ARHGAP8: variants seen among roughly 807,000 people sequenced by gnomAD.
ARHGAP8 encodes rho GTPase-activating protein 8.
In ARHGAP8, 62 loss-of-function variants were observed where a neutral mutation model predicts 46.1. The ratio of observed to expected loss-of-function variants is 1.34; its 90% CI spans 1.10 to 1.66. ARHGAP8 has a LOEUF of 1.66. Ranked by LOEUF, ARHGAP8 falls within the 40% of genes most tolerant of loss-of-function variation. The pLI, the probability that ARHGAP8 is intolerant of heterozygous loss-of-function variation, is 0.00. For missense variants in ARHGAP8, 923 were observed against 568.4 expected (o/e 1.62, Z -6.34); for synonymous variants, 375 against 243.1 (o/e 1.54, Z -5.05).
At chr22:44,856,821 C>G (rs576590816) in intron 10 of ARHGAP8, among the ~76,000 whole-genome samples, 4 of 144,976 alleles carry the variant, frequency 2.8e-5, no homozygotes, top group Admixed American at 2.0e-4. Context: ...ACCAAAGAAC[C>G]CATTCTTCCG....
chr22:44,848,512 C>G (rs572781128), intron 9 of ARHGAP8, among the ~76,000 whole-genome samples: 10 of 152,346 alleles, frequency 6.6e-5, no homozygotes, highest in African/African-American at 2.4e-4. Flanking sequence ...GACTTGCCCT[C>G]GCTCCCACTC....
rs189531344 is a variant in ARHGAP8, at chr22:44,825,605, G to C, written c.596+12G>C. The C allele has an allele frequency of 1.9e-6, 3 of 1,608,568 alleles. No individual in the cohort carries two copies. The African/African-American group carries it at 4.0e-5, about 22-fold the overall frequency. Reference sequence around the variant, plus strand: ...GTCAGTCTGCAATAGTAAGTGAGCCGGGGATGTGCCTGCTCCTATGCCCTG... The same window carrying C: ...GTCAGTCTGCAATAGTAAGTGAGCCCGGGATGTGCCTGCTCCTATGCCCTG... On this transcript the variant is annotated intron_variant, in intron 7 of 11. Transcript: ENST00000356099.
intron 2 of ARHGAP8, among the ~76,000 whole-genome samples, chr22:44,797,979 AT>A (rs36101080): frequency 0.028 from 3,556 of 128,468 alleles, 156 homozygotes; most frequent in Admixed American, 0.11. Context: ...GGCCAATAAG[AT>A]TTTTTTTTTT....
At position 44,861,853 on chromosome 22, in the gene ARHGAP8, C is replaced by G. The variant is rs1053785409; in HGVS notation, c.982-422C>G. On this transcript the variant is annotated intron_variant, in intron 11 of 11. Coordinates refer to ENST00000356099, the MANE Select transcript of ARHGAP8 (RefSeq NM_181335.3). ...TAGCAGGCAAGCTCTTTCCACTCTCCCTGCCCCTCGTAGTGGCCCCTAGAT... is the reference window on the plus strand; with the variant it reads ...TAGCAGGCAAGCTCTTTCCACTCTCGCTGCCCCTCGTAGTGGCCCCTAGAT... Among the ~76,000 whole-genome samples the G allele has an allele frequency of 1.2e-4, 19 of 152,262 alleles. 1 individual carries two copies. The highest frequency in any genetic ancestry group is 5.9e-4 in the Admixed American group (9 of 15,288).
Position 44,862,759 on chromosome 22 carries a change from C to CAAAACTCCATGCCTCTGGTCCT in ARHGAP8, c.*164_*165insAAAACTCCATGCCTCTGGTCCT. 4.1e-5 allele frequency: 35 copies of CAAAACTCCATGCCTCTGGTCCT among 858,932 alleles called. No homozygotes were observed. Among genetic ancestry groups the CAAAACTCCATGCCTCTGGTCCT allele is most frequent in the Non-Finnish European group, 5.8e-5 (34 of 589,260 alleles). 53.2% of individuals were successfully genotyped at this position (858,932 alleles called of 1,614,324 possible). A position where few individuals can be genotyped will look rare whatever the true frequency, so the allele number is the denominator to read the frequency against. On this transcript the variant is annotated 3_prime_UTR_variant, in exon 12 of 12. Transcript: ENST00000356099. ...GTCCTTGGACTCTTGTCCATGGTTC[C>CAAAACTCCATGCCTCTGGTCCT]TGAGCTGTGGACCGGGATAGAATAA...
chr22:44,782,145 GCCAATGT>G (rs200529380), intron 1 of ARHGAP8, among the ~76,000 whole-genome samples: 3,115 of 152,194 alleles, frequency 0.02, 108 homozygotes, highest in African/African-American at 0.071. Context: ...GACCAGCCTG[GCCAATGT>G]GGTGAAACCC....
intron 10 of ARHGAP8, among the ~76,000 whole-genome samples, chr22:44,857,495 C>G (rs147087171): frequency 6.6e-6 from 1 of 152,248 alleles, no homozygotes; most frequent in Non-Finnish European, 1.5e-5. Context: ...GACATGGGTA[C>G]CTTCGTAAGG....
intron 7 of ARHGAP8, among the ~76,000 whole-genome samples, chr22:44,834,633 G>C (rs1201715460): frequency 1.3e-5 from 2 of 152,074 alleles, no homozygotes; most frequent in African/African-American, 4.8e-5. Flanking sequence ...TTGGTTTTTA[G>C]TATTTTTCAG....
At chr22:44,820,444 G>T (rs945954632) in intron 5 of ARHGAP8, among the ~76,000 whole-genome samples, 1 of 152,162 alleles carries the variant, frequency 6.6e-6, no homozygotes, top group African/African-American at 2.4e-5. Flanking sequence ...CATCACACAG[G>T]ACGTTGACAG....
At chr22:44,840,616 C>T (rs966088411) in intron 7 of ARHGAP8, among the ~76,000 whole-genome samples, 2 of 152,198 alleles carry the variant, frequency 1.3e-5, no homozygotes, top group Non-Finnish European at 2.9e-5. Flanking sequence ...CCACCAGATT[C>T]GGGCAAGTAA....
chr22:44,822,438 G>C lies in ARHGAP8; in HGVS notation c.454G>C (p.Asp152His). 1 of 1,564,216 alleles carries C rather than the reference G, an allele frequency of 6.4e-7. No individual in the cohort carries two copies. The highest frequency in any genetic ancestry group is 8.6e-7 in the Non-Finnish European group (1 of 1,163,472). ...TGAGCTCCACGAACACCTTAAATAC[G>C]ACCAGCTGGTCATCCCTCCCGAAGT... ...LSELHEHLKY[D>H]QLVIPPEVLR... Residue 152 changes from aspartate (D) to histidine (H), a missense_variant, in exon 6 of 12, where the codon GAC (aspartate) becomes CAC (histidine). Asp to His is a moderately conservative substitution (Grantham distance 81). Transcript: ENST00000356099.
chr22:44,862,198 C>G lies in ARHGAP8; in HGVS notation c.982-77C>G, dbSNP rs896952421. On this transcript the variant is annotated intron_variant, in intron 11 of 11. Transcript: ENST00000356099. ...CCTCTCACTACACCTACGCCTCTCC[C>G]TAAGTTCGGGAGGGAGTTCCAGGTG... is the stretch of plus-strand genomic sequence containing the variant. 8.6e-6 allele frequency: 13 copies of G among 1,516,484 alleles called. No homozygotes were observed. The Admixed American group carries it at 1.8e-4, about 21-fold the overall frequency. The allele number at this position is 1,516,484 out of a possible 1,614,324, so 93.9% of individuals were successfully genotyped here.
chr22:44,847,861 T>C (rs985713569), intron 8 of ARHGAP8, 112 bp from the exon 9 acceptor site: 1 of 1,354,848 alleles, frequency 7.4e-7, no homozygotes, highest in Admixed American at 2.0e-5. Flanking sequence ...CAAATAAATG[T>C]GTGGAGGCCA....
At chr22:44,801,489 CTA>C (rs1441443764) in intron 2 of ARHGAP8, among the ~76,000 whole-genome samples, 2 of 58,484 alleles carry the variant, frequency 3.4e-5, no homozygotes, top group African/African-American at 6.2e-5. Context: ...CCGCAGCTGT[CTA>C]TGTGTGGGGG....
At chr22:44,842,244 C>A (rs1402150770) in intron 7 of ARHGAP8, among the ~76,000 whole-genome samples, 3 of 152,186 alleles carry the variant, frequency 2.0e-5, no homozygotes, top group East Asian at 1.9e-4. Flanking sequence ...GTAGTCCCAG[C>A]TACTCGGGAG....
chr22:44,862,249 C>G (rs773333467), intron 11 of ARHGAP8, 26 bp from the exon 12 acceptor site: 2 of 1,569,056 alleles, frequency 1.3e-6, no homozygotes, highest in Non-Finnish European at 1.7e-6. Context: ...GTTCACTCCC[C>G]TTTACTTGTG....
chr22:44,769,130 C>G (rs997252659), intron 1 of ARHGAP8, among the ~76,000 whole-genome samples: 1 of 152,176 alleles, frequency 6.6e-6, no homozygotes, highest in Non-Finnish European at 1.5e-5. Flanking sequence ...GCACCGTGCC[C>G]GGCCTAAGCC....
intron 2 of ARHGAP8, among the ~76,000 whole-genome samples, chr22:44,788,285 AT>A (rs1321241827): frequency 1.9e-4 from 29 of 151,838 alleles, no homozygotes; most frequent in Non-Finnish European, 1.3e-4. Context: ...CACCCAGCTA[AT>A]TTTTGTGTTT....
chr22:44,834,470 AC>A (rs1555917279), intron 7 of ARHGAP8, among the ~76,000 whole-genome samples: 1 of 152,062 alleles, frequency 6.6e-6, no homozygotes, highest in Non-Finnish European at 1.5e-5. Flanking sequence ...TAGATAACTT[AC>A]TTTGTATGAT....
Sources: gnomAD v4.1 joint callset for allele counts (sites outside exome capture counted in the v4.1 genomes callset) on GRCh38, gnomAD v4.1.1 for gene constraint, MANE v1.5 for transcripts, NCBI Gene and HGNC (gene_info 2026-07-23, HGNC 2026-07-21) for gene names.